PCDHGA9: variants seen among roughly 807,000 people sequenced by gnomAD.
PCDHGA9 encodes protocadherin gamma-A9.
A neutral mutation model predicts 62.5 loss-of-function variants in PCDHGA9; 37 were observed. That is an observed-to-expected ratio of 0.59 (90% CI 0.46 to 0.78). PCDHGA9 has a LOEUF of 0.78. Ranked by LOEUF, PCDHGA9 falls within the 30% of genes least tolerant of loss-of-function variation. PCDHGA9 has a pLI of 0.00. For missense variants in PCDHGA9, 1,138 were observed against 1,166.2 expected, an observed-to-expected ratio of 0.98 and a Z score of 0.35; for synonymous variants, 459 against 484.6, an observed-to-expected ratio of 0.95 and a Z score of 0.69.
At position 141,409,389 on chromosome 5, in the gene PCDHGA9, C is replaced by G; in HGVS notation, c.2424+4013C>G. On this transcript the variant is annotated intron_variant, in intron 1 of 3. Transcript: ENST00000573521. ...ACAGACATTCCATTCAAGATTTATT[C>G]TTCTTCCAATAACTACTACAAACTG... 6.2e-7 allele frequency: 1 copy of G among 1,614,006 alleles called. No homozygotes were observed. Among genetic ancestry groups the G allele is most frequent in the Admixed American group, 1.7e-5 (1 of 60,020 alleles).
chr5:141,486,391 C>T lies in PCDHGA9; in HGVS notation c.2425-8416C>T. The T allele has an allele frequency of 6.2e-7, 1 of 1,614,112 alleles. No individual in the cohort carries two copies. The highest frequency in any genetic ancestry group is 8.5e-7 in the Non-Finnish European group (1 of 1,179,984). Reference sequence around the variant, plus strand: ...AGTCTGCCTTCAGGAACCAGTTCTCCCTGGTGACTGCTGGACCCTTGGATC... The same window carrying T: ...AGTCTGCCTTCAGGAACCAGTTCTCTCTGGTGACTGCTGGACCCTTGGATC... On this transcript the variant is annotated intron_variant, in intron 1 of 3. Transcript: ENST00000573521. The surrounding 1 kb of genome is among the most constrained non-coding windows in gnomAD (Gnocchi z 5.0).
intron 1 of PCDHGA9, chr5:141,424,664 A>G (rs923488035): frequency 1.3e-5 from 2 of 152,124 alleles, no homozygotes; most frequent in African/African-American, 4.8e-5. Context: ...CTTTAATTAA[A>G]CTGATTTAGC....
In PCDHGA9 at chr5:141,489,255, A is replaced by G. The variant is rs909780010; in HGVS notation, c.2425-5552A>G. 2 of 1,548,804 alleles carry G rather than the reference A, an allele frequency of 1.3e-6. No individual in the cohort carries two copies. Among genetic ancestry groups the G allele is most frequent in the Non-Finnish European group, 1.7e-6 (2 of 1,147,848 alleles). On this transcript the variant is annotated intron_variant, in intron 1 of 3. Coordinates refer to ENST00000573521, the MANE Select transcript of PCDHGA9 (RefSeq NM_018921.3). The surrounding 1 kb of genome is among the most constrained non-coding windows in gnomAD (Gnocchi z 4.5). ...ACTTCTGGGTCATGGGGCCCAAGAC[A>G]CTCCCACAGCTCGCTGGGAAATGGC...
intron 2 of PCDHGA9, among the ~76,000 whole-genome samples, chr5:141,500,416 A>G: frequency 6.6e-6 from 1 of 151,634 alleles, no homozygotes; most frequent in East Asian, 2.0e-4. Flanking sequence ...TCACCGTGTT[A>G]GCCAGGATGG....
chr5:141,415,284 G>T (rs186109113), intron 1 of PCDHGA9: 1 of 1,614,198 alleles, frequency 6.2e-7, no homozygotes, highest in East Asian at 2.2e-5. Context: ...CGGTGGCCGC[G>T]GTCTCCTGCG....
chr5:141,417,792 T>C, intron 1 of PCDHGA9: 1 of 1,483,216 alleles, frequency 6.7e-7, no homozygotes, highest in South Asian at 1.4e-5. Flanking sequence ...CCGAATGCTC[T>C]TTTAGCGCGG....
rs141514361 is a variant in PCDHGA9, at chr5:141,494,629, A to G, written c.2425-178A>G. 4,666 of 858,664 alleles carry G rather than the reference A, an allele frequency of 5.4e-3. 23 individuals are homozygous for G. Among genetic ancestry groups the G allele is most frequent in the Admixed American group, 0.011 (170 of 16,094 alleles). 53.2% of individuals were successfully genotyped at this position (858,664 alleles called of 1,614,324 possible). On this transcript the variant is annotated intron_variant, in intron 1 of 3. Coordinates refer to ENST00000573521, the MANE Select transcript of PCDHGA9 (RefSeq NM_018921.3). ...TATCTCTTGGTTTCTGGTACCTCAGACCTCTGAGACCTGAGGTGTATTTTG... is the reference window on the plus strand; with the variant it reads ...TATCTCTTGGTTTCTGGTACCTCAGGCCTCTGAGACCTGAGGTGTATTTTG...
intron 2 of PCDHGA9, among the ~76,000 whole-genome samples, chr5:141,503,365 G>A (rs2099819492): frequency 6.6e-6 from 1 of 152,020 alleles, no homozygotes; most frequent in East Asian, 1.9e-4. Flanking sequence ...GGGAAGCGGA[G>A]GCAGGTGGAT....
Position 141,456,380 on chromosome 5 carries a change from C to T in PCDHGA9, c.2425-38427C>T, listed in dbSNP as rs186993611. ...CCATGTGTGGTTCAGTTTACAGCAC[C>T]GTTTGGAGTTTGATTGCTTCTAGGC... is the stretch of plus-strand genomic sequence containing the variant. On this transcript the variant is annotated intron_variant, in intron 1 of 3. Coordinates refer to ENST00000573521, the MANE Select transcript of PCDHGA9 (RefSeq NM_018921.3). Among the ~76,000 whole-genome samples, 427 of 152,082 alleles carry T rather than the reference C, an allele frequency of 2.8e-3. 1 individual carries two copies. Among genetic ancestry groups the T allele is most frequent in the Non-Finnish European group, 2.7e-3 (184 of 68,004 alleles).
chr5:141,468,847 C>T (rs2099182933), intron 1 of PCDHGA9, among the ~76,000 whole-genome samples: 1 of 151,986 alleles, frequency 6.6e-6, no homozygotes, highest in African/African-American at 2.4e-5. Flanking sequence ...GCCTGGGCAA[C>T]AGAGCGAGAC....
intron 1 of PCDHGA9, among the ~76,000 whole-genome samples, chr5:141,475,532 T>C (rs1011968434): frequency 6.6e-6 from 1 of 152,228 alleles, no homozygotes; most frequent in East Asian, 1.9e-4. Context: ...AAATGCCTCC[T>C]TACAAGTAGG....
At chr5:141,500,721 ATG>A (rs1209024560) in intron 2 of PCDHGA9, among the ~76,000 whole-genome samples, 1 of 152,088 alleles carries the variant, frequency 6.6e-6, no homozygotes, top group African/African-American at 2.4e-5. Context: ...GAATTTCCCC[ATG>A]TCTTTCAAAA....
At chr5:141,448,990 T>C (rs1419678645) in intron 1 of PCDHGA9, among the ~76,000 whole-genome samples, 1 of 152,070 alleles carries the variant, frequency 6.6e-6, no homozygotes, top group Non-Finnish European at 1.5e-5. Flanking sequence ...TATTAATATA[T>C]AGAAAGCTGT....
At position 141,431,869 on chromosome 5, in the gene PCDHGA9, T is replaced by C. The variant is rs140856757; in HGVS notation, c.2424+26493T>C. ...GAGGGACATTAATTGCCCTTTTAAA[T>C]GTAAATGACCAAGATTCTGAGGAAA... is the stretch of plus-strand genomic sequence containing the variant. On this transcript the variant is annotated intron_variant, in intron 1 of 3. Transcript: ENST00000573521. The surrounding 1 kb of genome is among the most constrained non-coding windows in gnomAD (Gnocchi z 4.8). 8.5e-4 allele frequency: 1,376 copies of C among 1,614,252 alleles called. 2 individuals carry two copies. Among genetic ancestry groups the C allele is most frequent in the Non-Finnish European group, 1.1e-3 (1,291 of 1,180,028 alleles).
At chr5:141,409,933 GGT>G in intron 1 of PCDHGA9, 1 of 1,613,354 alleles carries the variant, frequency 6.2e-7, no homozygotes, top group East Asian at 2.2e-5. Flanking sequence ...TCTTCGATAT[GGT>G]ACCTCGCTCT....
At position 141,404,150 on chromosome 5, in the gene PCDHGA9, G is replaced by A. The variant is rs1325217999; in HGVS notation, c.1198G>A (p.Asp400Asn). ...LSFTLENSEE[D>N]YYRLLTAQIL... ...TTTTACATTAGAAAATTCAGAAGAA[G>A]ATTATTACAGATTGTTGACGGCCCA... is the stretch of plus-strand genomic sequence containing the variant. Residue 400 changes from aspartate (D) to asparagine (N), a missense_variant, in exon 1 of 4, where the codon GAT becomes AAT. By Grantham distance (23) the Asp-to-Asn change is conservative. Coordinates refer to ENST00000573521, the MANE Select transcript of PCDHGA9 (RefSeq NM_018921.3). 5.0e-6 allele frequency: 8 copies of A among 1,612,830 alleles called. 1 individual carries two copies. In the Middle Eastern group the frequency reaches 6.6e-4, roughly 133 times the overall value.
At chr5:141,478,452 C>T (rs763187393) in intron 1 of PCDHGA9, 1 of 1,613,598 alleles carries the variant, frequency 6.2e-7, no homozygotes, top group Admixed American at 1.7e-5. Context: ...CCTGGTGCAG[C>T]CAGTCCACTG....
At chr5:141,414,703 T>C in intron 1 of PCDHGA9, 1 of 1,613,994 alleles carries the variant, frequency 6.2e-7, no homozygotes. Flanking sequence ...CTCATACATA[T>C]CCATCAACTC....
At chr5:141,426,876 C>T (rs796453479) in intron 1 of PCDHGA9, 2 of 456,726 alleles carry the variant, frequency 4.4e-6, no homozygotes, top group African/African-American at 2.0e-5. Context: ...GGAGAAGCCC[C>T]TGGGCCAGGA....
Sources: gnomAD v4.1 joint callset for allele counts (sites outside exome capture counted in the v4.1 genomes callset) on GRCh38, gnomAD v4.1.1 for gene constraint, Gnocchi (gnomAD v3.1) non-coding constraint, MANE v1.5 for transcripts, NCBI Gene and HGNC (gene_info 2026-07-23, HGNC 2026-07-21) for gene names.